PSMB2: variants seen among roughly 807,000 people sequenced by gnomAD.
PSMB2 encodes the protein proteasome 20S subunit beta 2, also known as proteasome subunit beta type-2.
A neutral mutation model predicts 25.7 loss-of-function variants in PSMB2; 13 were observed. The observed-to-expected ratio is 0.51, with a 90% CI of 0.33 to 0.80. PSMB2 has a LOEUF of 0.80. Among genes scored for constraint, PSMB2 ranks in the 30% least tolerant of loss-of-function variants. The pLI is 0.02. For synonymous variants in PSMB2, 87 were observed against 96.2 expected (o/e 0.90, Z 0.56); for missense variants, 202 against 259.0 (o/e 0.78, Z 1.51).
Position 35,603,299 on chromosome 1 carries a change from C to T in PSMB2, c.574G>A (p.Asp192Asn), listed in dbSNP as rs1557445187. 2 of 1,614,088 alleles carry T rather than the reference C, an allele frequency of 1.2e-6. No individual in the cohort carries two copies. The highest frequency in any genetic ancestry group is 1.7e-5 in the Admixed American group (1 of 60,016). The change falls in exon 6 of 6, where the codon GAT becomes AAT. Residue 192 changes from aspartate (D) to asparagine (N), a missense_variant. By Grantham distance (23) the Asp-to-Asn change is conservative. Coordinates refer to ENST00000373237, the MANE Select transcript of PSMB2 (RefSeq NM_002794.5). ...IIDKNGIHDL[D>N]NISFPKQGS Reference sequence around the variant, plus strand: ...CCCTGTTTGGGGAAGGAAATGTTATCCAGGTCATGGATGCCATTTTTGTCA... The same window carrying T: ...CCCTGTTTGGGGAAGGAAATGTTATTCAGGTCATGGATGCCATTTTTGTCA...
chr1:35,601,722 A>T lies in PSMB2; in HGVS notation c.*1545T>A. 2 of 985,486 alleles carry T rather than the reference A, an allele frequency of 2.0e-6. No individual in the cohort carries two copies. The highest frequency in any genetic ancestry group is 2.4e-6 in the Non-Finnish European group (2 of 829,950). 61.0% of individuals were successfully genotyped at this position (985,486 alleles called of 1,614,324 possible). A position where few individuals can be genotyped will look rare whatever the true frequency, so the allele number is the denominator to read the frequency against. Reference sequence around the variant, plus strand: ...CACAGAATTGGATAAAGTAGGGTTTATCTTAGTCGGAGACCAAATGGTTTT... The same window carrying T: ...CACAGAATTGGATAAAGTAGGGTTTTTCTTAGTCGGAGACCAAATGGTTTT... On this transcript the variant is annotated 3_prime_UTR_variant, in exon 6 of 6. Coordinates refer to ENST00000373237, the MANE Select transcript of PSMB2 (RefSeq NM_002794.5).
At chr1:35,616,922 A>C (rs1158632487) in intron 3 of PSMB2, among the ~76,000 whole-genome samples, 12 of 152,222 alleles carry the variant, frequency 7.9e-5, no homozygotes, top group Non-Finnish European at 2.9e-5. Context: ...CAAACACCTA[A>C]AAAAATCTCA....
intron 3 of PSMB2, among the ~76,000 whole-genome samples, chr1:35,617,818 C>T (rs1256672346): frequency 2.0e-5 from 3 of 152,120 alleles, no homozygotes; most frequent in African/African-American, 7.2e-5. Flanking sequence ...CTGTCACTGG[C>T]CTCCTAAAGA....
intron 3 of PSMB2, among the ~76,000 whole-genome samples, chr1:35,624,377 C>G (rs1650787171): frequency 6.6e-6 from 1 of 152,122 alleles, no homozygotes; most frequent in African/African-American, 2.4e-5. Flanking sequence ...GTGATGGCAC[C>G]TTTTCAAATA....
intron 2 of PSMB2, among the ~76,000 whole-genome samples, chr1:35,634,714 T>G (rs894875968): frequency 1.3e-5 from 2 of 151,836 alleles, no homozygotes; most frequent in Non-Finnish European, 2.9e-5. Context: ...CCACATCCTC[T>G]GAGATATCTA....
chr1:35,604,140 C>T (rs921795077), intron 5 of PSMB2, among the ~76,000 whole-genome samples: 3 of 152,050 alleles, frequency 2.0e-5, no homozygotes, highest in African/African-American at 4.8e-5. Context: ...TATCTTCCTA[C>T]TCTCTTACTA....
chr1:35,631,253 A>G, intron 3 of PSMB2, 21 bp downstream of exon 3: 9 of 1,604,888 alleles, frequency 5.6e-6, no homozygotes, highest in Non-Finnish European at 6.8e-6. Flanking sequence ...TCTATCTAAC[A>G]ATGTCTGATA....
At chr1:35,609,037 T>C (rs1231389515) in intron 4 of PSMB2, among the ~76,000 whole-genome samples, 1 of 152,240 alleles carries the variant, frequency 6.6e-6, no homozygotes, top group Admixed American at 6.5e-5. Context: ...CTATCTCATT[T>C]TGAATGGCAA....
rs918643977 is a variant in PSMB2 at position 35,601,859 on chromosome 1, C to T, written c.*1408G>A. ...TGTTTTAATAGCTTTAACCACAAAA[C>T]ATCCACATTGTTCCCTAAAGTTATG... On this transcript the variant is annotated 3_prime_UTR_variant, in exon 6 of 6. Coordinates refer to ENST00000373237, the MANE Select transcript of PSMB2 (RefSeq NM_002794.5). 3.0e-5 allele frequency: 30 copies of T among 985,326 alleles called. No individual in the cohort carries two copies. The highest frequency in any genetic ancestry group is 3.5e-5 in the Non-Finnish European group (29 of 829,934). The allele number at this position is 985,326 out of a possible 1,614,324, so 61.0% of individuals were successfully genotyped here. A position where few individuals can be genotyped will look rare whatever the true frequency, so the allele number is the denominator to read the frequency against.
chr1:35,618,707 T>C (rs115636339), intron 3 of PSMB2, among the ~76,000 whole-genome samples: 2,788 of 152,176 alleles, frequency 0.018, 98 homozygotes, highest in African/African-American at 0.063. Context: ...TAGGGTCCTG[T>C]TATCTACAGT....
At chr1:35,635,102 A>G (rs1651207952) in intron 2 of PSMB2, among the ~76,000 whole-genome samples, 1 of 151,980 alleles carries the variant, frequency 6.6e-6, no homozygotes. Flanking sequence ...TCTACTAAAA[A>G]TACAAAATTA....
chr1:35,629,261 CA>C (rs919211124), intron 3 of PSMB2, among the ~76,000 whole-genome samples: 10 of 152,202 alleles, frequency 6.6e-5, no homozygotes, highest in African/African-American at 2.4e-4. Flanking sequence ...TAAACAGGCA[CA>C]GGGGGTGAGA....
At position 35,635,672 on chromosome 1, in the gene PSMB2, T is replaced by C. The variant is rs531931666; in HGVS notation, c.214+638A>G. Among the ~76,000 whole-genome samples, 9 of 151,678 alleles carry C rather than the reference T, an allele frequency of 5.9e-5. No individual in the cohort carries two copies. In the East Asian group the frequency reaches 1.8e-3, roughly 30 times the overall value. On this transcript the variant is annotated intron_variant, in intron 2 of 5. Transcript: ENST00000373237. The stretch of plus-strand genomic sequence containing the variant: ...GGTGAAACCCTGTCTCTACTAAAAA[T>C]ACAAAAATTAGCTGGACGTGGTGGT...
intron 2 of PSMB2, among the ~76,000 whole-genome samples, chr1:35,635,145 G>C (rs1651208874): frequency 6.6e-6 from 1 of 151,834 alleles, no homozygotes. Context: ...TGTAATCCCA[G>C]CTACTTGGGA....
chr1:35,600,374 T>C lies in PSMB2; in HGVS notation c.*2893A>G. 1 of 835,178 alleles carries C rather than the reference T, an allele frequency of 1.2e-6. No individual in the cohort carries two copies. Among genetic ancestry groups the C allele is most frequent in the Non-Finnish European group, 1.4e-6 (1 of 693,104 alleles). The allele number at this position is 835,178 out of a possible 1,614,324, so 51.7% of individuals were successfully genotyped here. Reference sequence around the variant, plus strand: ...GTAATACTAATACACCAACCAATGTTGGTTTCTCAGTTTTGACAAACATAC... The same window carrying C: ...GTAATACTAATACACCAACCAATGTCGGTTTCTCAGTTTTGACAAACATAC... On this transcript the variant is annotated 3_prime_UTR_variant, in exon 6 of 6. Coordinates refer to ENST00000373237, the MANE Select transcript of PSMB2 (RefSeq NM_002794.5).
intron 2 of PSMB2, among the ~76,000 whole-genome samples, chr1:35,633,227 G>GAA (rs79824808): frequency 1.3e-5 from 1 of 78,146 alleles, no homozygotes; most frequent in Non-Finnish European, 2.7e-5. Context: ...ACTCAAAAAA[G>GAA]AAAAAAAAAA....
intron 3 of PSMB2, among the ~76,000 whole-genome samples, chr1:35,628,899 T>C (rs1398199935): frequency 6.6e-6 from 1 of 151,950 alleles, no homozygotes; most frequent in Non-Finnish European, 1.5e-5. Context: ...AACTTGTTAT[T>C]TTAAGCAAGT....
chr1:35,639,479 C>A (rs1000118045), intron 1 of PSMB2, among the ~76,000 whole-genome samples: 2 of 152,110 alleles, frequency 1.3e-5, no homozygotes, highest in Non-Finnish European at 2.9e-5. Context: ...AATTTAAAAA[C>A]CAACCTACTA....
In PSMB2 at chr1:35,640,099, A is replaced by ACTATC. The variant is rs1553126275; in HGVS notation, c.91+1238_91+1242dup. On this transcript the variant is annotated intron_variant, in intron 1 of 5. Coordinates refer to ENST00000373237, the MANE Select transcript of PSMB2 (RefSeq NM_002794.5). Reference sequence around the variant, plus strand: ...ACTATACTATACTATACTATACTATACTATCTATACTAAATTACTCAATAC... The same window carrying ACTATC: ...ACTATACTATACTATACTATACTATACTATCCTATCTATACTAAATTACTCAATAC... Among the ~76,000 whole-genome samples the ACTATC allele has an allele frequency of 3.3e-5, 5 of 151,880 alleles. No homozygotes were observed. The East Asian group carries it at 5.8e-4, about 18-fold the overall frequency.
Sources: allele counts gnomAD v4.1 joint callset (sites outside exome capture counted in the v4.1 genomes callset), GRCh38; gene constraint gnomAD v4.1.1; transcripts MANE v1.5; gene names NCBI Gene and HGNC (gene_info 2026-07-23, HGNC 2026-07-21).